Variants in GPC5 observed in about 807,000 individuals in gnomAD.
GPC5 encodes glypican-5.
GPC5 carries 47 observed loss-of-function variants against 53.9 expected under a neutral mutation model. The observed-to-expected ratio is 0.87, with a 90% CI of 0.69 to 1.11. The LOEUF (loss-of-function observed/expected upper bound fraction) is 1.11. GPC5 is among the 50% of genes most tolerant of loss of function. The pLI is 0.00. For missense variants in GPC5, 748 were observed against 713.1 expected (o/e 1.05, Z -0.56); for synonymous variants, 286 against 263.3 (o/e 1.09, Z -0.84).
intron 7 of GPC5, among the ~76,000 whole-genome samples, chr13:92,754,571 T>C (rs538192690): frequency 2.3e-4 from 35 of 151,590 alleles, no homozygotes; most frequent in Non-Finnish European, 4.6e-4. Context: ...CAGTGTGCTG[T>C]ATTCAGGAAA....
At chr13:91,838,112 A>G (rs1193407235) in intron 5 of GPC5, among the ~76,000 whole-genome samples, 3 of 152,180 alleles carry the variant, frequency 2.0e-5, no homozygotes, top group African/African-American at 7.2e-5. Context: ...CGCAATTAGA[A>G]GATCAGTGGA....
intron 6 of GPC5, among the ~76,000 whole-genome samples, chr13:92,016,724 C>A (rs1035061185): frequency 9.4e-5 from 12 of 127,106 alleles, no homozygotes; most frequent in Non-Finnish European, 1.7e-4. Flanking sequence ...ATTTTCTTTT[C>A]TTCTTTTTTT....
chr13:92,266,850 G>A (rs931184666), intron 7 of GPC5, among the ~76,000 whole-genome samples: 1 of 151,658 alleles, frequency 6.6e-6, no homozygotes, highest in African/African-American at 2.4e-5. Context: ...TCAGTGACCA[G>A]ACATCTATTT....
chr13:91,631,144 C>A, intron 2 of GPC5, among the ~76,000 whole-genome samples: 1 of 152,098 alleles, frequency 6.6e-6, no homozygotes, highest in Non-Finnish European at 1.5e-5. Flanking sequence ...ATGAATATAC[C>A]AGCATAGCCA....
At chr13:91,532,095 G>GA (rs768433287) in intron 2 of GPC5, among the ~76,000 whole-genome samples, 3 of 151,442 alleles carry the variant, frequency 2.0e-5, no homozygotes, top group Non-Finnish European at 2.9e-5. Flanking sequence ...CTCCTTAATG[G>GA]AAAAAAAATG....
intron 6 of GPC5, among the ~76,000 whole-genome samples, chr13:91,918,492 T>C (rs952475767): frequency 6.6e-6 from 1 of 152,222 alleles, no homozygotes; most frequent in African/African-American, 2.4e-5. Flanking sequence ...TGCAAATATT[T>C]ATTGTGCTAG....
At chr13:91,438,748 G>T (rs1232016247) in intron 1 of GPC5, among the ~76,000 whole-genome samples, 1 of 152,214 alleles carries the variant, frequency 6.6e-6, no homozygotes, top group Non-Finnish European at 1.5e-5. Context: ...GCAATGCCCT[G>T]CCCCCAGAGG....
chr13:91,401,314 A>G (rs1876935888), intron 1 of GPC5, among the ~76,000 whole-genome samples: 1 of 151,868 alleles, frequency 6.6e-6, no homozygotes, highest in East Asian at 1.9e-4. Flanking sequence ...AAACCCCTCA[A>G]TCCCAAATTG....
At chr13:92,516,281 T>C (rs1189465876) in intron 7 of GPC5, among the ~76,000 whole-genome samples, 1 of 152,204 alleles carries the variant, frequency 6.6e-6, no homozygotes, top group African/African-American at 2.4e-5. Context: ...ATAGTTAACA[T>C]ATTAGTAATT....
At chr13:92,692,472 A>G (rs1887427426) in intron 7 of GPC5, among the ~76,000 whole-genome samples, 1 of 144,650 alleles carries the variant, frequency 6.9e-6, no homozygotes, top group Non-Finnish European at 1.5e-5. Flanking sequence ...CAGTAGCTGA[A>G]CTAATTTACA....
At chr13:92,581,613 C>T (rs372883996) in intron 7 of GPC5, among the ~76,000 whole-genome samples, 1 of 152,114 alleles carries the variant, frequency 6.6e-6, no homozygotes, top group African/African-American at 2.4e-5. Context: ...ATCGTATGTT[C>T]TATTTTTAAT....
intron 2 of GPC5, among the ~76,000 whole-genome samples, chr13:91,587,366 A>G (rs2032637866): frequency 6.6e-6 from 1 of 152,208 alleles, no homozygotes; most frequent in Non-Finnish European, 1.5e-5. Flanking sequence ...TGATCTAAGC[A>G]TGACCTTTTC....
At chr13:92,385,375 T>C (rs1299248307) in intron 7 of GPC5, among the ~76,000 whole-genome samples, 1 of 79,364 alleles carries the variant, frequency 1.3e-5, no homozygotes, top group African/African-American at 5.0e-5. Flanking sequence ...TATATATACA[T>C]ATATACATAT....
intron 7 of GPC5, among the ~76,000 whole-genome samples, chr13:92,444,856 C>G (rs1299241314): frequency 6.6e-6 from 1 of 151,732 alleles, no homozygotes; most frequent in Admixed American, 6.6e-5. Flanking sequence ...ATAAAATGGT[C>G]ATCATAGTCC....
intron 7 of GPC5, among the ~76,000 whole-genome samples, chr13:92,413,464 T>C (rs989728925): frequency 3.9e-5 from 6 of 152,228 alleles, no homozygotes; most frequent in African/African-American, 1.4e-4. Flanking sequence ...GAACAATGTG[T>C]ACACTTGATA....
At chr13:92,428,958 A>C (rs1225207773) in intron 7 of GPC5, among the ~76,000 whole-genome samples, 1 of 152,118 alleles carries the variant, frequency 6.6e-6, no homozygotes, top group Non-Finnish European at 1.5e-5. Flanking sequence ...GAAAGAATAA[A>C]TCAGGATTGC....
chr13:91,435,778 G>T (rs1265267986), intron 1 of GPC5, among the ~76,000 whole-genome samples: 1 of 152,138 alleles, frequency 6.6e-6, no homozygotes, highest in East Asian at 1.9e-4. Context: ...GCTCCTCCTT[G>T]TTCCTCTGAT....
chr13:92,367,961 G>A (rs2043619092), intron 7 of GPC5, among the ~76,000 whole-genome samples: 1 of 152,110 alleles, frequency 6.6e-6, no homozygotes, highest in Admixed American at 6.5e-5. Context: ...AATTACTGAA[G>A]TACAGACTTT....
At chr13:92,388,743 T>A (rs921874151) in intron 7 of GPC5, among the ~76,000 whole-genome samples, 2 of 152,122 alleles carry the variant, frequency 1.3e-5, no homozygotes, top group African/African-American at 4.8e-5. Flanking sequence ...AAGTAATATC[T>A]TGACTGAGCA....
Sources: gnomAD v4.1 joint callset for allele counts (sites outside exome capture counted in the v4.1 genomes callset) on GRCh38, gnomAD v4.1.1 for gene constraint, MANE v1.5 for transcripts, NCBI Gene and HGNC (gene_info 2026-07-23, HGNC 2026-07-21) for gene names.